Variants in MIB1 observed in about 807,000 individuals in gnomAD.
MIB1 encodes the protein MIB E3 ubiquitin protein ligase 1, also known as E3 ubiquitin-protein ligase MIB1.
MIB1 carries 278 observed loss-of-function variants against 124.5 expected under a neutral mutation model. The observed-to-expected ratio is 2.23, with a 90% CI of 2.02 to 2.47. The LOEUF (loss-of-function observed/expected upper bound fraction) is 2.47. Among genes scored for constraint, MIB1 ranks in the 30% most tolerant of loss-of-function variants. The pLI is 0.00. For missense variants in MIB1, 957 were observed against 1,254.4 expected (o/e 0.76, Z 3.58); for synonymous variants, 446 against 429.4 (o/e 1.04, Z -0.48).
At chr18:21,717,694 C>A (rs1047236786) in intron 1 of MIB1, among the ~76,000 whole-genome samples, 6 of 152,016 alleles carry the variant, frequency 3.9e-5, no homozygotes, top group African/African-American at 1.4e-4. Flanking sequence ...AAACACAATG[C>A]GATGCCACCT....
At chr18:21,825,513 T>G (rs2041916618) in intron 12 of MIB1, 2 of 308,950 alleles carry the variant, frequency 6.5e-6, no homozygotes, top group Non-Finnish European at 1.3e-5. Context: ...TTGAAATCCT[T>G]AAGTCATCCA....
intron 7 of MIB1, among the ~76,000 whole-genome samples, chr18:21,792,229 G>A (rs1257909093): frequency 2.0e-5 from 3 of 151,578 alleles, no homozygotes; most frequent in East Asian, 3.9e-4. Flanking sequence ...TCCACCTTGC[G>A]TACTCCCATC....
upstream of MIB1, among the ~76,000 whole-genome samples, chr18:21,740,120 G>T (rs1358059625): frequency 6.6e-6 from 1 of 152,186 alleles, no homozygotes; most frequent in Non-Finnish European, 1.5e-5. Context: ...CAACAGTGCT[G>T]GCCTGTGGAA....
At chr18:21,722,886 C>G (rs1023654076) in intron 1 of MIB1, among the ~76,000 whole-genome samples, 1 of 152,176 alleles carries the variant, frequency 6.6e-6, no homozygotes, top group Non-Finnish European at 1.5e-5. Flanking sequence ...TCACCTTCCT[C>G]TCTTGGCTAA....
intron 10 of MIB1, among the ~76,000 whole-genome samples, chr18:21,814,913 A>G (rs1413520448): frequency 1.3e-5 from 2 of 148,790 alleles, no homozygotes; most frequent in Non-Finnish European, 3.0e-5. Context: ...AACAACAACA[A>G]CAAAAATGGT....
chr18:21,715,020 C>T (rs1332445564), intron 1 of MIB1, among the ~76,000 whole-genome samples: 2 of 152,244 alleles, frequency 1.3e-5, no homozygotes, highest in South Asian at 2.1e-4. Flanking sequence ...TGTGGAGTCT[C>T]GCTTCGTGAA....
At chr18:21,802,710 G>A (rs1275750801) in intron 9 of MIB1, among the ~76,000 whole-genome samples, 1 of 152,002 alleles carries the variant, frequency 6.6e-6, no homozygotes, top group Non-Finnish European at 1.5e-5. Flanking sequence ...CTATAAGAGG[G>A]GACAAATCTC....
intron 9 of MIB1, among the ~76,000 whole-genome samples, chr18:21,801,762 A>G (rs1012725350): frequency 2.0e-5 from 3 of 152,156 alleles, no homozygotes; most frequent in Admixed American, 6.5e-5. Flanking sequence ...TTTAGGTACA[A>G]CAGATGAAAT....
At chr18:21,800,474 A>G (rs564088724) in intron 9 of MIB1, among the ~76,000 whole-genome samples, 2 of 152,220 alleles carry the variant, frequency 1.3e-5, no homozygotes, top group African/African-American at 2.4e-5. Flanking sequence ...AAGGCCATAT[A>G]TTTTATAACT....
intron 1 of MIB1, 44 bp from the exon 2 acceptor site, chr18:21,765,728 A>G (rs2041149317): frequency 6.4e-7 from 1 of 1,561,904 alleles, no homozygotes; most frequent in Admixed American, 1.9e-5. Flanking sequence ...ATTCAAATAA[A>G]TAAAATTTGT....
chr18:21,756,721 C>G (rs998038095), intron 1 of MIB1, among the ~76,000 whole-genome samples: 3 of 152,118 alleles, frequency 2.0e-5, no homozygotes, highest in African/African-American at 7.2e-5. Context: ...ACCTGGGCCT[C>G]CCAAAGTGCT....
rs184563574 is a variant in MIB1, at chr18:21,820,169, A to G, written c.1829+523A>G. ...GACATTTGAGAAAGACTCCTTTTGG[A>G]GAATCACATTCTTTATGAAGGATCT... is the stretch of plus-strand genomic sequence containing the variant. On this transcript the variant is annotated intron_variant, in intron 12 of 20. Coordinates refer to ENST00000261537, the MANE Select transcript of MIB1 (RefSeq NM_020774.4). Among the ~76,000 whole-genome samples, 30 of 152,336 alleles carry G rather than the reference A, an allele frequency of 2.0e-4. No individual in the cohort carries two copies. In the South Asian group the frequency reaches 3.5e-3, roughly 18 times the overall value.
At position 21,844,232 on chromosome 18, in the gene MIB1, C is replaced by T. The variant is rs760786182; in HGVS notation, c.2190C>T (p.Ala730=). 10 of 1,614,000 alleles carry T rather than the reference C, an allele frequency of 6.2e-6. No homozygotes were observed. In the South Asian group the frequency reaches 1.1e-4, roughly 18 times the overall value. Residue 730 remains alanine, a synonymous_variant, in exon 15 of 21, where the codon GCC becomes GCT. Transcript: ENST00000261537. ...AAGATGTGGGGAAGGTGGATGCTGC[C>T]TGGGAGCCATCCAAAAACACGGTGA... is the stretch of plus-strand genomic sequence containing the variant. The part of the protein sequence containing the change: ...DMQDVGKVDA[A]WEPSKNTLIM...
intron 5 of MIB1, 142 bp downstream of exon 5, chr18:21,778,311 A>G (rs2041316195): frequency 1.9e-6 from 1 of 532,628 alleles, no homozygotes; most frequent in African/African-American, 2.0e-5. Flanking sequence ...CTTTGGTCTT[A>G]AAGTATTTTT....
At chr18:21,833,318 C>T (rs1201326103) in intron 12 of MIB1, among the ~76,000 whole-genome samples, 1 of 152,154 alleles carries the variant, frequency 6.6e-6, no homozygotes, top group Non-Finnish European at 1.5e-5. Context: ...TTCCATTCAA[C>T]AAAACTTTGA....
intron 1 of MIB1, among the ~76,000 whole-genome samples, chr18:21,717,760 G>A (rs538181410): frequency 3.3e-5 from 5 of 152,238 alleles, no homozygotes; most frequent in East Asian, 1.9e-4. Context: ...TGTTGGCATC[G>A]ATGTGGTGAA....
At chr18:21,778,056 A>G in intron 4 of MIB1, 47 bp from the exon 5 acceptor site, 2 of 1,266,952 alleles carry the variant, frequency 1.6e-6, no homozygotes, top group Non-Finnish European at 2.3e-6. Context: ...ATACTGAGCC[A>G]TATTTGAAGT....
rs1199988233 is a variant in MIB1 at position 21,741,640 on chromosome 18, G to T, written c.57G>T (p.Val19=). The T allele has an allele frequency of 3.1e-6, 5 of 1,609,542 alleles. No homozygotes were observed. Among genetic ancestry groups the T allele is most frequent in the Non-Finnish European group, 4.2e-6 (5 of 1,178,726 alleles). Residue 19 remains valine, a synonymous_variant, in exon 1 of 21, where the codon GTG becomes GTT. Coordinates refer to ENST00000261537, the MANE Select transcript of MIB1 (RefSeq NM_020774.4). The surrounding 1 kb of genome is among the most constrained non-coding windows in gnomAD (Gnocchi z 5.4). Reference sequence around the variant, plus strand: ...TGGAAGGGGTTGGCGCTCGGGTAGTGCGCGGCCCGGACTGGAAGTGGGGGA... The same window carrying T: ...TGGAAGGGGTTGGCGCTCGGGTAGTTCGCGGCCCGGACTGGAAGTGGGGGA... ...VMVEGVGARV[V]RGPDWKWGKQ...
At chr18:21,760,790 A>G (rs892704257) in intron 1 of MIB1, among the ~76,000 whole-genome samples, 3 of 152,162 alleles carry the variant, frequency 2.0e-5, no homozygotes, top group Admixed American at 6.5e-5. Flanking sequence ...GTTGGGATAC[A>G]TTTTCCCTAC....
Sources: allele counts gnomAD v4.1 joint callset (sites outside exome capture counted in the v4.1 genomes callset), GRCh38; gene constraint gnomAD v4.1.1; non-coding constraint Gnocchi (gnomAD v3.1); transcripts MANE v1.5; gene names NCBI Gene and HGNC (gene_info 2026-07-23, HGNC 2026-07-21).